Variants in LHFPL6 observed in about 807,000 individuals in gnomAD.
LHFPL6 encodes LHFPL tetraspan subfamily member 6, also known as LHFPL tetraspan subfamily member 6 protein.
In LHFPL6, 9 loss-of-function variants were observed where a neutral mutation model predicts 20.6. The observed-to-expected ratio is 0.44, with a 90% CI of 0.26 to 0.76. The LOEUF is 0.76. LHFPL6 is among the 30% of genes least tolerant of loss of function. LHFPL6 has a pLI of 0.20. For missense variants in LHFPL6, 218 were observed against 253.5 expected (o/e 0.86, Z 0.95); for synonymous variants, 105 against 98.7 (o/e 1.06, Z -0.38).
chr13:39,468,071 C>T (rs1872848653), intron 2 of LHFPL6, among the ~76,000 whole-genome samples: 1 of 152,162 alleles, frequency 6.6e-6, no homozygotes. Context: ...CCTCTTGGTT[C>T]CACATTTCTT....
intron 2 of LHFPL6, among the ~76,000 whole-genome samples, chr13:39,547,697 C>G (rs1871024235): frequency 1.3e-5 from 2 of 152,080 alleles, no homozygotes; most frequent in Admixed American, 1.3e-4. Flanking sequence ...TTAAATCATA[C>G]ACTTTTTACA....
At chr13:39,563,790 T>C (rs1871622390) in intron 2 of LHFPL6, among the ~76,000 whole-genome samples, 1 of 152,160 alleles carries the variant, frequency 6.6e-6, no homozygotes, top group Non-Finnish European at 1.5e-5. Flanking sequence ...CTATTCATGC[T>C]TTCAGGTCAT....
At chr13:39,370,899 T>C (rs1038054221) in intron 3 of LHFPL6, among the ~76,000 whole-genome samples, 1 of 152,234 alleles carries the variant, frequency 6.6e-6, no homozygotes, top group African/African-American at 2.4e-5. Context: ...ATTATACTTT[T>C]GTTTGCATTT....
intron 2 of LHFPL6, among the ~76,000 whole-genome samples, chr13:39,401,183 T>C (rs1207780375): frequency 6.6e-6 from 1 of 152,192 alleles, no homozygotes; most frequent in Non-Finnish European, 1.5e-5. Context: ...CACGTGGCTT[T>C]GGGTGGTGAT....
At chr13:39,564,057 G>T (rs1328136749) in intron 2 of LHFPL6, among the ~76,000 whole-genome samples, 1 of 152,074 alleles carries the variant, frequency 6.6e-6, no homozygotes. Context: ...CATTGCACTG[G>T]AAGGCTTCCC....
chr13:39,495,766 A>T (rs1313251861), intron 2 of LHFPL6, among the ~76,000 whole-genome samples: 2 of 146,824 alleles, frequency 1.4e-5, no homozygotes, highest in African/African-American at 5.0e-5. Flanking sequence ...GAAGCTTGGG[A>T]TGTAACTCAA....
At chr13:39,371,828 G>A (rs951614794) in intron 3 of LHFPL6, among the ~76,000 whole-genome samples, 4 of 152,176 alleles carry the variant, frequency 2.6e-5, no homozygotes, top group Non-Finnish European at 5.9e-5. Flanking sequence ...TTATCCCTTT[G>A]AGCGGACACA....
intron 3 of LHFPL6, among the ~76,000 whole-genome samples, chr13:39,365,886 GA>G (rs1202210698): frequency 1.3e-5 from 2 of 152,196 alleles, no homozygotes; most frequent in African/African-American, 4.8e-5. Flanking sequence ...CCATTCCTAA[GA>G]ATAGTGAGGG....
At chr13:39,593,858 A>C (rs1872687369) in intron 2 of LHFPL6, among the ~76,000 whole-genome samples, 1 of 152,230 alleles carries the variant, frequency 6.6e-6, no homozygotes, top group South Asian at 2.1e-4. Flanking sequence ...AAAAATGAGA[A>C]ATGGGGAAAG....
At chr13:39,530,388 G>A (rs1870429168) in intron 2 of LHFPL6, among the ~76,000 whole-genome samples, 1 of 152,068 alleles carries the variant, frequency 6.6e-6, no homozygotes, top group Non-Finnish European at 1.5e-5. Context: ...CTGGAGGTAT[G>A]AGCGGGGGCA....
At chr13:39,400,745 T>C (rs1324198918) in intron 2 of LHFPL6, among the ~76,000 whole-genome samples, 1 of 112,104 alleles carries the variant, frequency 8.9e-6, no homozygotes, top group Non-Finnish European at 1.6e-5. Context: ...ATCCCGCCAC[T>C]GCACTCCAGC....
chr13:39,347,663 G>A (rs747983923), intron 3 of LHFPL6, among the ~76,000 whole-genome samples: 9 of 152,170 alleles, frequency 5.9e-5, no homozygotes, highest in Non-Finnish European at 1.2e-4. Context: ...CCCCTTCACA[G>A]GTCAGATTTG....
intron 2 of LHFPL6, among the ~76,000 whole-genome samples, chr13:39,505,134 G>A (rs1172738599): frequency 6.6e-6 from 1 of 152,048 alleles, no homozygotes; most frequent in African/African-American, 2.4e-5. Flanking sequence ...TGATGCAAAC[G>A]CAAAAGAGAA....
At chr13:39,423,904 T>C (rs933661930) in intron 2 of LHFPL6, among the ~76,000 whole-genome samples, 3 of 152,128 alleles carry the variant, frequency 2.0e-5, no homozygotes, top group African/African-American at 7.2e-5. Flanking sequence ...CTGGTTAGAA[T>C]TGGATTAGAA....
rs550253978 is a variant in LHFPL6 at position 39,356,356 on chromosome 13, G to A, written c.485-12302C>T. Among the ~76,000 whole-genome samples the A allele has an allele frequency of 2.6e-5, 4 of 152,242 alleles. No homozygotes were observed. In the East Asian group the frequency reaches 7.7e-4, roughly 29 times the overall value. On this transcript the variant is annotated intron_variant, in intron 3 of 3. Transcript: ENST00000379589. ...AGAGACACAACATAACAAAATATCT[G>A]AGATGCAGCAAAAGAAGTGTTGAGA...
At chr13:39,351,591 T>C (rs1869569353) in intron 3 of LHFPL6, among the ~76,000 whole-genome samples, 1 of 152,250 alleles carries the variant, frequency 6.6e-6, no homozygotes, top group Non-Finnish European at 1.5e-5. Flanking sequence ...GAAGACTACA[T>C]GCTGTTAAAG....
chr13:39,469,296 T>C (rs960177090), intron 2 of LHFPL6, among the ~76,000 whole-genome samples: 1 of 152,196 alleles, frequency 6.6e-6, no homozygotes, highest in Non-Finnish European at 1.5e-5. Flanking sequence ...CTTGTGGCCA[T>C]TCAGTTCATA....
chr13:39,475,896 C>T (rs1298883838), intron 2 of LHFPL6, among the ~76,000 whole-genome samples: 1 of 152,054 alleles, frequency 6.6e-6, no homozygotes, highest in African/African-American at 2.4e-5. Flanking sequence ...CAGTGAAGGG[C>T]GGAGTGTCTC....
intron 2 of LHFPL6, among the ~76,000 whole-genome samples, chr13:39,436,324 G>A (rs1017654321): frequency 2.6e-5 from 4 of 152,244 alleles, no homozygotes; most frequent in African/African-American, 9.6e-5. Context: ...GAAATTATGA[G>A]TAATATAATT....
Sources: allele counts gnomAD v4.1 joint callset (sites outside exome capture counted in the v4.1 genomes callset), GRCh38; gene constraint gnomAD v4.1.1; transcripts MANE v1.5; gene names NCBI Gene and HGNC (gene_info 2026-07-23, HGNC 2026-07-21).